NRG1: variants seen among roughly 807,000 people sequenced by gnomAD.
NRG1 encodes the protein neuregulin 1, also known as pro-neuregulin-1, membrane-bound isoform.
Under a neutral mutation model 63.8 loss-of-function variants are expected in NRG1, and 18 were observed. The observed-to-expected ratio is 0.28, with a 90% CI of 0.19 to 0.42. The LOEUF is 0.42. Among genes scored for constraint, NRG1 ranks in the 10% least tolerant of loss-of-function variants. The pLI is 1.00. For missense variants in NRG1, 762 were observed against 814.7 expected, an observed-to-expected ratio of 0.94 and a Z score of 0.79; for synonymous variants, 302 against 301.3, an observed-to-expected ratio of 1.00 and a Z score of -0.02.
intron 5 of NRG1, chr8:32,648,317 G>T: frequency 6.2e-7 from 1 of 1,614,078 alleles, no homozygotes; most frequent in Non-Finnish European, 8.5e-7. Flanking sequence ...ACCCTGAGGT[G>T]AGAACGCCCA....
At chr8:32,511,601 A>G (rs1829230597) in intron 1 of NRG1, among the ~76,000 whole-genome samples, 1 of 152,052 alleles carries the variant, frequency 6.6e-6, no homozygotes, top group South Asian at 2.1e-4. Context: ...GACAGTAGTT[A>G]GATTATCTCA....
chr8:32,327,443 T>C (rs1802146149), intron 1 of NRG1, among the ~76,000 whole-genome samples: 1 of 152,224 alleles, frequency 6.6e-6, no homozygotes, highest in Non-Finnish European at 1.5e-5. Flanking sequence ...TGCTCTTTTC[T>C]GCTTAGACTG....
At chr8:31,985,595 C>T (rs1809926961) in intron 1 of NRG1, among the ~76,000 whole-genome samples, 1 of 151,734 alleles carries the variant, frequency 6.6e-6, no homozygotes, top group Non-Finnish European at 1.5e-5. Context: ...TTTAGATACT[C>T]AGAGTAGAAT....
chr8:32,147,448 G>T (rs1414483099), intron 1 of NRG1, among the ~76,000 whole-genome samples: 1 of 152,150 alleles, frequency 6.6e-6, no homozygotes, highest in African/African-American at 2.4e-5. Context: ...AAATGTATAG[G>T]TGTATTGATT....
intron 1 of NRG1, among the ~76,000 whole-genome samples, chr8:31,966,112 A>G (rs1186406498): frequency 6.6e-6 from 1 of 152,214 alleles, no homozygotes; most frequent in African/African-American, 2.4e-5. Flanking sequence ...AAACTAAAAA[A>G]AAAAGAAACA....
chr8:31,640,433 G>T lies in NRG1; in HGVS notation c.37+1002G>T. ...TCTTGGCCCACCGCCCCGGTGCCCA[G>T]CGCCGGCGAGCCCGGGGAGGAGGCG... is the stretch of plus-strand genomic sequence containing the variant. On this transcript the variant is annotated intron_variant, in intron 1 of 10. Transcript: ENST00000519301. This position sits in a 1 kb window ranked among gnomAD's most constrained non-coding sequence, Gnocchi z 6.3. 6.6e-7 allele frequency: 1 copy of T among 1,516,240 alleles called. No homozygotes were observed. Among genetic ancestry groups the T allele is most frequent in the Admixed American group, 2.1e-5 (1 of 48,444 alleles). The allele number at this position is 1,516,240 out of a possible 1,614,324, so 93.9% of individuals were successfully genotyped here.
chr8:32,135,126 A>G (rs765765619), intron 1 of NRG1, among the ~76,000 whole-genome samples: 1 of 152,152 alleles, frequency 6.6e-6, no homozygotes. Flanking sequence ...CTGGAGAAGA[A>G]AAGGTAGGAA....
intron 1 of NRG1, among the ~76,000 whole-genome samples, chr8:31,672,272 A>G (rs1228035800): frequency 6.6e-6 from 1 of 152,122 alleles, no homozygotes; most frequent in Admixed American, 6.6e-5. Flanking sequence ...AAGGTGTTAG[A>G]CACTTAGCTT....
At chr8:32,187,717 A>T (rs1396684327) in intron 1 of NRG1, among the ~76,000 whole-genome samples, 1 of 152,044 alleles carries the variant, frequency 6.6e-6, no homozygotes, top group African/African-American at 2.4e-5. Flanking sequence ...ATTAAGGTAG[A>T]GGAGGGGTGG....
chr8:31,732,844 G>A (rs140848376), intron 1 of NRG1, among the ~76,000 whole-genome samples: 126 of 152,256 alleles, frequency 8.3e-4, no homozygotes, highest in African/African-American at 2.7e-3. Flanking sequence ...GCAGTGAGCC[G>A]TGATTGCACC....
intron 1 of NRG1, among the ~76,000 whole-genome samples, chr8:32,035,562 T>C (rs1309058511): frequency 6.6e-6 from 1 of 152,198 alleles, no homozygotes; most frequent in Admixed American, 6.5e-5. Context: ...CCCACAATTA[T>C]TGTGTGGGAG....
chr8:32,363,702 T>G (rs1182140878), intron 1 of NRG1, among the ~76,000 whole-genome samples: 1 of 152,158 alleles, frequency 6.6e-6, no homozygotes, highest in Admixed American at 6.5e-5. Flanking sequence ...TTTAAAAAGT[T>G]ATCTCTGTTT....
intron 1 of NRG1, among the ~76,000 whole-genome samples, chr8:31,949,413 A>G (rs371954338): frequency 6.6e-6 from 1 of 152,154 alleles, no homozygotes; most frequent in Non-Finnish European, 1.5e-5. Flanking sequence ...CCATTCAGTT[A>G]GGCTTCTGCC....
At chr8:31,880,883 A>G (rs1265593802) in intron 1 of NRG1, among the ~76,000 whole-genome samples, 2 of 152,216 alleles carry the variant, frequency 1.3e-5, no homozygotes, top group Non-Finnish European at 2.9e-5. Context: ...TTGAAAATGT[A>G]TGAATACAGA....
At chr8:31,930,775 CT>C (rs566616841) in intron 1 of NRG1, among the ~76,000 whole-genome samples, 36 of 152,228 alleles carry the variant, frequency 2.4e-4, no homozygotes, top group African/African-American at 7.0e-4. Context: ...CCACCACTGA[CT>C]TTTTTAGGGC....
At chr8:32,079,787 G>C (rs751425208) in intron 1 of NRG1, among the ~76,000 whole-genome samples, 41 of 152,064 alleles carry the variant, frequency 2.7e-4, no homozygotes, top group Non-Finnish European at 4.6e-4. Flanking sequence ...ACAAGACAAG[G>C]TGATCTGAAT....
chr8:31,940,643 T>C (rs554171502), intron 1 of NRG1, among the ~76,000 whole-genome samples: 3 of 152,054 alleles, frequency 2.0e-5, no homozygotes, highest in African/African-American at 7.2e-5. Flanking sequence ...GAAATTGATA[T>C]ACCATTAGTG....
chr8:31,667,022 G>A (rs1176057839), intron 1 of NRG1, among the ~76,000 whole-genome samples: 2 of 152,164 alleles, frequency 1.3e-5, no homozygotes, highest in African/African-American at 4.8e-5. Flanking sequence ...CCTTAGCAAG[G>A]TCACAGTGGA....
chr8:31,692,038 G>T (rs1174853269), intron 1 of NRG1, among the ~76,000 whole-genome samples: 2 of 152,102 alleles, frequency 1.3e-5, no homozygotes, highest in African/African-American at 4.8e-5. Context: ...TTGCTATGTT[G>T]CCCAGGCTGG....
Sources: gnomAD v4.1 joint callset for allele counts (sites outside exome capture counted in the v4.1 genomes callset) on GRCh38, gnomAD v4.1.1 for gene constraint, Gnocchi (gnomAD v3.1) non-coding constraint, MANE v1.5 for transcripts, NCBI Gene and HGNC (gene_info 2026-07-23, HGNC 2026-07-21) for gene names.